The following ESPL1 variants were observed in gnomAD, a reference collection of about 807,000 sequenced individuals.
ESPL1 encodes the protein extra spindle pole bodies like 1, separase.
A neutral mutation model predicts 217.2 loss-of-function variants in ESPL1; 50 were observed. That is an observed-to-expected ratio of 0.23 (90% CI 0.18 to 0.29). ESPL1 has a LOEUF of 0.29. Ranked by LOEUF, ESPL1 falls within the 10% of genes least tolerant of loss-of-function variation. ESPL1 has a pLI of 1.00. For synonymous variants in ESPL1, 994 were observed against 1,081.3 expected (o/e 0.92, Z 1.58); for missense variants, 1,834 against 2,603.0 (o/e 0.70, Z 6.43).
chr12:53,270,330 C>T (rs1289379668), intron 3 of ESPL1, 48 bp from the exon 4 acceptor site: 1 of 1,337,290 alleles, frequency 7.5e-7, no homozygotes, highest in Admixed American at 1.7e-5. Context: ...CAGCTTGGAG[C>T]CCTCTTTATC....
In ESPL1 at chr12:53,286,826, G is replaced by A. The variant is rs1474873348; in HGVS notation, c.4090G>A (p.Val1364Met). The A allele has an allele frequency of 5.6e-6, 9 of 1,613,972 alleles. No individual in the cohort carries two copies. In the Admixed American group the frequency reaches 1.2e-4, roughly 21 times the overall value. Reference protein sequence around the residue: ...RQAGPHVPFTVFEEVCPTESK... With the variant: ...RQAGPHVPFTMFEEVCPTESK... ...AGCTGGCCCTCATGTCCCCTTCACG[G>A]TGTTTGAGGAAGTCTGCCCTACAGA... Residue 1364 changes from valine to methionine, a missense_variant, in exon 18 of 31, where the codon GTG becomes ATG. By Grantham distance (21) the Val-to-Met change is conservative. Transcript: ENST00000257934. The surrounding 1 kb of genome is among the most constrained non-coding windows in gnomAD (Gnocchi z 5.3).
At chr12:53,285,103 G>A (rs1208795425) in intron 17 of ESPL1, among the ~76,000 whole-genome samples, 1 of 151,690 alleles carries the variant, frequency 6.6e-6, no homozygotes, top group Non-Finnish European at 1.5e-5. Flanking sequence ...GTGCTCAATA[G>A]CCACATGGCT....
rs1262615285 is a variant in ESPL1, at chr12:53,277,561, A to G, written c.2177A>G (p.Asp726Gly). The change falls in exon 10 of 31, where the codon GAT becomes GGT. Residue 726 changes from aspartate (D) to glycine (G), a missense_variant. Transcript: ENST00000257934. ...DLNYEDKLQE[D>G]RFLYSNIAFN... ...AACTATGAAGATAAACTCCAGGAAGATCGTTTCCTATACAGTAACATTGCC... is the reference window on the plus strand; with the variant it reads ...AACTATGAAGATAAACTCCAGGAAGGTCGTTTCCTATACAGTAACATTGCC... The G allele has an allele frequency of 6.2e-7, 1 of 1,614,176 alleles. No individual in the cohort carries two copies.
At chr12:53,274,486 G>C (rs1286202818) in intron 6 of ESPL1, 5 of 228,542 alleles carry the variant, frequency 2.2e-5, no homozygotes, top group Non-Finnish European at 4.4e-5. Context: ...TGGCGGGAGG[G>C]AGAGCGAGAG....
intron 5 of ESPL1, among the ~76,000 whole-genome samples, chr12:53,271,366 C>A (rs936943795): frequency 5.3e-5 from 8 of 151,532 alleles, no homozygotes; most frequent in African/African-American, 1.9e-4. Flanking sequence ...GGACTGCAGG[C>A]GCGCACCACT....
rs1944060383 is a variant in ESPL1 at position 53,291,562 on chromosome 12, G to A, written c.5521-128G>A. 2.9e-6 allele frequency: 3 copies of A among 1,037,886 alleles called. No homozygotes were observed. The South Asian group carries it at 4.7e-5, about 16-fold the overall frequency. The allele number at this position is 1,037,886 out of a possible 1,614,324, so 64.3% of individuals were successfully genotyped here. A position where few individuals can be genotyped will look rare whatever the true frequency, so the allele number is the denominator to read the frequency against. On this transcript the variant is annotated intron_variant, in intron 25 of 30. Transcript: ENST00000257934. ...GCTGAGATTGCGCCACTGCACTCCAGCCTGGGCGACAGAGCAAGACTCTGT... is the reference window on the plus strand; with the variant it reads ...GCTGAGATTGCGCCACTGCACTCCAACCTGGGCGACAGAGCAAGACTCTGT...
chr12:53,289,243 C>A lies in ESPL1; in HGVS notation c.4862C>A (p.Thr1621Asn). 1 of 1,612,890 alleles carries A rather than the reference C, an allele frequency of 6.2e-7. No individual in the cohort carries two copies. The highest frequency in any genetic ancestry group is 1.7e-5 in the Admixed American group (1 of 60,032). ...CCTTATGCCACTGCTTTCCTTGTCA[C>A]CGAGTCTGTCTCCATCACCTGTCGC... is the stretch of plus-strand genomic sequence containing the variant. The part of the protein sequence containing the change: ...RDPYATAFLV[T>N]ESVSITCRHQ... Residue 1621 changes from threonine (T) to asparagine (N), a missense_variant, in exon 21 of 31, where the codon ACC (threonine) becomes AAC (asparagine). This residue lies in a region of ESPL1 where 681 missense variants were observed against 808.0 expected (regional missense o/e 0.84). Transcript: ENST00000257934.
At chr12:53,272,594 A>T in intron 5 of ESPL1, 127 bp from the exon 6 acceptor site, 1 of 1,052,210 alleles carries the variant, frequency 9.5e-7, no homozygotes, top group Non-Finnish European at 1.4e-6. Context: ...TCCTAGCAGT[A>T]GGGGTTCCTG....
At chr12:53,281,480 T>A (rs1565757836) in intron 12 of ESPL1, 27 bp from the exon 13 acceptor site, 2 of 1,609,436 alleles carry the variant, frequency 1.2e-6, no homozygotes, top group Non-Finnish European at 1.7e-6. Context: ...CTGCCTTTCC[T>A]CATGTGCCCT....
In ESPL1 at chr12:53,269,704, C is replaced by T; in HGVS notation, c.762C>T (p.Leu254=). The T allele has an allele frequency of 6.2e-7, 1 of 1,614,176 alleles. No individual in the cohort carries two copies. The highest frequency in any genetic ancestry group is 1.1e-5 in the South Asian group (1 of 91,082). The part of the protein sequence containing the change: ...SPQRALCLLE[L]TLEHCRRFCW... Reference sequence around the variant, plus strand: ...AGAGGGCCCTCTGCCTCTTGGAGCTCACCTTGGAACACTGCCGTCGCTTTT... The same window carrying T: ...AGAGGGCCCTCTGCCTCTTGGAGCTTACCTTGGAACACTGCCGTCGCTTTT... The change falls in exon 3 of 31, where the codon CTC becomes CTT. Residue 254 remains leucine, a synonymous_variant. Coordinates refer to ENST00000257934, the MANE Select transcript of ESPL1 (RefSeq NM_012291.5). This position sits in a 1 kb window ranked among gnomAD's most constrained non-coding sequence, Gnocchi z 6.7.
At chr12:53,287,097 G>A (rs371623114) in intron 18 of ESPL1, among the ~76,000 whole-genome samples, 185 bp downstream of exon 18, 9 of 152,112 alleles carry the variant, frequency 5.9e-5, no homozygotes, top group Admixed American at 2.0e-4. Context: ...TTTTGAGAAG[G>A]AGTCTCGCTC....
At chr12:53,283,952 G>T (rs1218466339) in intron 16 of ESPL1, 106 bp from the exon 17 acceptor site, 2 of 810,052 alleles carry the variant, frequency 2.5e-6, no homozygotes, top group African/African-American at 3.4e-5. Flanking sequence ...CCTTTTGGAG[G>T]CAGGGAAGGA....
At position 53,288,233 on chromosome 12, in the gene ESPL1, C is replaced by A; in HGVS notation, c.4438C>A (p.Pro1480Thr). 6.2e-7 allele frequency: 1 copy of A among 1,609,870 alleles called. No homozygotes were observed. Among genetic ancestry groups the A allele is most frequent in the Middle Eastern group, 1.7e-4 (1 of 6,060 alleles). ...CCAGAGGGCCAGTGACCAGGCCAGG[C>A]CTGGCCCTGAGATCATGAGGACCAT... ...RPQRASDQARPGPEIMRTIPE... is the reference protein window; with the variant it reads ...RPQRASDQARTGPEIMRTIPE... Residue 1480 changes from proline to threonine, a missense_variant, in exon 19 of 31, where the codon CCT becomes ACT. This residue lies in a region of ESPL1 where 681 missense variants were observed against 808.0 expected (regional missense o/e 0.84). Coordinates refer to ENST00000257934, the MANE Select transcript of ESPL1 (RefSeq NM_012291.5).
intron 13 of ESPL1, 150 bp downstream of exon 13, chr12:53,281,776 C>T (rs1461065861): frequency 6.7e-6 from 5 of 747,322 alleles, no homozygotes; most frequent in Admixed American, 5.0e-5. Flanking sequence ...GCCTTGCCCT[C>T]GCCAGCGATT....
In ESPL1 at chr12:53,268,761, G is replaced by C; in HGVS notation, c.-6G>C. ...TTGGTCTCCTTTTCCCTAGCTCTCC[G>C]GTGTCATGAGGAGCTTCAAAAGAGT... On this transcript the variant is annotated 5_prime_UTR_variant, in exon 2 of 31. Coordinates refer to ENST00000257934, the MANE Select transcript of ESPL1 (RefSeq NM_012291.5). The C allele has an allele frequency of 6.2e-7, 1 of 1,602,128 alleles. No individual in the cohort carries two copies. The highest frequency in any genetic ancestry group is 8.5e-7 in the Non-Finnish European group (1 of 1,171,294).
In ESPL1 at chr12:53,276,765, G is replaced by A. The variant is rs570883809; in HGVS notation, c.1846G>A (p.Glu616Lys). Residue 616 changes from glutamate to lysine, a missense_variant, in exon 8 of 31, where the codon GAG becomes AAG. Glu to Lys is a moderately conservative substitution (Grantham distance 56, BLOSUM62 1). This residue lies in a region of ESPL1 where 746 missense variants were observed against 1,077.0 expected (regional missense o/e 0.69). Coordinates refer to ENST00000257934, the MANE Select transcript of ESPL1 (RefSeq NM_012291.5). The part of the protein sequence containing the change: ...IICDLLELSP[E>K]ETPAGAWARA... Reference sequence around the variant, plus strand: ...CTGTGACCTCCTGGAGCTGAGCCCCGAGGAGACACCAGCCGGGGCCTGGGC... The same window carrying A: ...CTGTGACCTCCTGGAGCTGAGCCCCAAGGAGACACCAGCCGGGGCCTGGGC... 121 of 1,613,688 alleles carry A rather than the reference G, an allele frequency of 7.5e-5. No homozygotes were observed. The highest frequency in any genetic ancestry group is 9.2e-5 in the Non-Finnish European group (109 of 1,180,034).
chr12:53,277,560 G>T lies in ESPL1; in HGVS notation c.2176G>T (p.Asp726Tyr). Residue 726 changes from aspartate (D) to tyrosine (Y), a missense_variant, in exon 10 of 31, where the codon GAT (aspartate) becomes TAT (tyrosine). Asp to Tyr is a radical substitution (Grantham distance 160). Coordinates refer to ENST00000257934, the MANE Select transcript of ESPL1 (RefSeq NM_012291.5). Reference sequence around the variant, plus strand: ...GAACTATGAAGATAAACTCCAGGAAGATCGTTTCCTATACAGTAACATTGC... The same window carrying T: ...GAACTATGAAGATAAACTCCAGGAATATCGTTTCCTATACAGTAACATTGC... ...DLNYEDKLQE[D>Y]RFLYSNIAFN... 6.2e-7 allele frequency: 1 copy of T among 1,614,212 alleles called. No homozygotes were observed. Among genetic ancestry groups the T allele is most frequent in the Non-Finnish European group, 8.5e-7 (1 of 1,180,042 alleles).
chr12:53,273,712 T>C (rs936719007), intron 6 of ESPL1, among the ~76,000 whole-genome samples: 3 of 150,382 alleles, frequency 2.0e-5, no homozygotes, highest in South Asian at 2.2e-4. Context: ...TGAGCCGAGA[T>C]TGTGCTACTG....
At chr12:53,279,962 C>A (rs1182846277) in intron 12 of ESPL1, 96 bp downstream of exon 12, 3 of 1,371,902 alleles carry the variant, frequency 2.2e-6, no homozygotes, top group South Asian at 2.9e-5. Context: ...GGCAGCTTCT[C>A]GGCCTTTTAC....
Sources: gnomAD v4.1 joint callset for allele counts (sites outside exome capture counted in the v4.1 genomes callset) on GRCh38, gnomAD v4.1.1 for gene constraint, gnomAD v4.1.1 regional missense constraint, Gnocchi (gnomAD v3.1) non-coding constraint, MANE v1.5 for transcripts, NCBI Gene and HGNC (gene_info 2026-07-23, HGNC 2026-07-21) for gene names.